THSD4: variants seen among roughly 807,000 people sequenced by gnomAD.
The protein encoded by THSD4 is thrombospondin type-1 domain-containing protein 4.
THSD4 carries 69 observed loss-of-function variants against 119.0 expected under a neutral mutation model. That is an observed-to-expected ratio of 0.58 (90% CI 0.48 to 0.71). The LOEUF (loss-of-function observed/expected upper bound fraction) is 0.71. Ranked by LOEUF, THSD4 falls within the 30% of genes least tolerant of loss-of-function variation. THSD4 has a pLI of 0.00. For missense variants in THSD4, 1,393 were observed against 1,391.1 expected, an observed-to-expected ratio of 1.00 and a Z score of -0.02; for synonymous variants, 524 against 540.4, an observed-to-expected ratio of 0.97 and a Z score of 0.42.
At chr15:71,474,873 T>C (rs1480827813) in intron 7 of THSD4, among the ~76,000 whole-genome samples, 2 of 152,170 alleles carry the variant, frequency 1.3e-5, no homozygotes, top group Admixed American at 6.5e-5. Flanking sequence ...GGGCCTGGAG[T>C]ATCCCCTCCA....
intron 6 of THSD4, among the ~76,000 whole-genome samples, chr15:71,378,040 A>G (rs976200240): frequency 6.6e-6 from 1 of 152,214 alleles, no homozygotes; most frequent in Non-Finnish European, 1.5e-5. Context: ...GGAAGAAATT[A>G]TCTGCCTTGT....
chr15:71,253,446 C>T (rs1178937685), intron 5 of THSD4, among the ~76,000 whole-genome samples: 3 of 151,610 alleles, frequency 2.0e-5, no homozygotes, highest in South Asian at 2.1e-4. Context: ...CTTCCTTTGT[C>T]GCCCAGGCTA....
intron 6 of THSD4, among the ~76,000 whole-genome samples, chr15:71,263,339 A>ATATATG (rs1252719045): frequency 2.0e-5 from 3 of 149,910 alleles, no homozygotes; most frequent in Non-Finnish European, 4.4e-5. Flanking sequence ...TGGTATATAT[A>ATATATG]TATATATACG....
At chr15:71,143,901 G>A (rs993711243) in intron 2 of THSD4, among the ~76,000 whole-genome samples, 7 of 151,968 alleles carry the variant, frequency 4.6e-5, no homozygotes, top group African/African-American at 1.7e-4. Context: ...GATCTGAGCA[G>A]GGTGTGTGGT....
rs192149234 is a variant in THSD4, at chr15:71,182,915, A to T, written c.99+27983A>T. Among the ~76,000 whole-genome samples the T allele has an allele frequency of 1.2e-3, 185 of 151,772 alleles. 1 individual carries two copies. Among genetic ancestry groups the T allele is most frequent in the African/African-American group, 4.4e-3 (184 of 41,494 alleles). On this transcript the variant is annotated intron_variant, in intron 3 of 17. Coordinates refer to ENST00000261862, the MANE Select transcript of THSD4 (RefSeq NM_024817.3). ...TTGTTCCTAATTGTATTCTCTTTGT[A>T]TTTTTTTATACATTTGATGCATGCT...
chr15:71,298,356 A>G (rs1224063906), intron 6 of THSD4, among the ~76,000 whole-genome samples: 1 of 152,148 alleles, frequency 6.6e-6, no homozygotes, highest in African/African-American at 2.4e-5. Flanking sequence ...AGCACATTTT[A>G]TATCAGGAAA....
intron 7 of THSD4, among the ~76,000 whole-genome samples, chr15:71,422,010 T>C (rs2046815490): frequency 6.6e-6 from 1 of 152,260 alleles, no homozygotes; most frequent in East Asian, 1.9e-4. Context: ...GAAATTCTGC[T>C]TGATTCTTTG....
chr15:71,747,925 A>G (rs2053370267), intron 13 of THSD4, among the ~76,000 whole-genome samples: 1 of 152,236 alleles, frequency 6.6e-6, no homozygotes, highest in Non-Finnish European at 1.5e-5. Flanking sequence ...TTATTCTTCA[A>G]GGGCAGAGGT....
At chr15:71,434,679 T>C (rs1161157659) in intron 7 of THSD4, among the ~76,000 whole-genome samples, 1 of 152,050 alleles carries the variant, frequency 6.6e-6, no homozygotes, top group Non-Finnish European at 1.5e-5. Context: ...AAAGTTCTTA[T>C]GGGAGAACAA....
In THSD4 at chr15:71,491,858, G is replaced by A. The variant is rs571738427; in HGVS notation, c.1152+80035G>A. 1.5e-3 allele frequency among the ~76,000 whole-genome samples: 225 copies of A among 152,080 alleles called. 1 individual carries two copies. The highest frequency in any genetic ancestry group is 3.4e-3 in the Admixed American group (52 of 15,284). ...CATTCCAGCCTGGTTGACAGAGTGA[G>A]GCCCCGTCTCAAAAAAGAAAAAAAA... is the stretch of plus-strand genomic sequence containing the variant. On this transcript the variant is annotated intron_variant, in intron 7 of 17. Transcript: ENST00000261862.
At chr15:71,124,330 C>G (rs550073316) in intron 1 of THSD4, among the ~76,000 whole-genome samples, 60 of 152,292 alleles carry the variant, frequency 3.9e-4, no homozygotes, top group African/African-American at 1.4e-3. Flanking sequence ...TTTTTATATG[C>G]CATAAAATGT....
chr15:71,099,986 C>CA (rs2040247600), intron 1 of THSD4, among the ~76,000 whole-genome samples: 3 of 152,116 alleles, frequency 2.0e-5, no homozygotes, highest in Admixed American at 2.0e-4. Context: ...GATACTGTCT[C>CA]AAAAAATTAA....
At chr15:71,320,367 A>G (rs1240411799) in intron 6 of THSD4, among the ~76,000 whole-genome samples, 2 of 152,246 alleles carry the variant, frequency 1.3e-5, no homozygotes, top group East Asian at 3.8e-4. Context: ...TCTTCTGAAC[A>G]TCTCCATATT....
intron 6 of THSD4, among the ~76,000 whole-genome samples, chr15:71,328,353 A>G (rs2045374089): frequency 6.6e-6 from 1 of 152,216 alleles, no homozygotes; most frequent in Non-Finnish European, 1.5e-5. Flanking sequence ...TGAAGAATGG[A>G]AAAGCACAAT....
chr15:71,583,576 C>G (rs1027678113), intron 7 of THSD4, among the ~76,000 whole-genome samples: 5 of 68,946 alleles, frequency 7.3e-5, no homozygotes, highest in African/African-American at 1.2e-4. Context: ...TTTGCTGCGT[C>G]TCTTATAAGT....
chr15:71,392,449 A>G (rs765401919), intron 6 of THSD4, among the ~76,000 whole-genome samples: 1 of 152,250 alleles, frequency 6.6e-6, no homozygotes, highest in Non-Finnish European at 1.5e-5. Context: ...ACACAAGCTT[A>G]TTAAGTAGAA....
At chr15:71,348,485 A>C (rs1437143102) in intron 6 of THSD4, 1 of 152,186 alleles carries the variant, frequency 6.6e-6, no homozygotes, top group Non-Finnish European at 1.5e-5. Flanking sequence ...TGACCTGTAC[A>C]TCCAGGTGAG....
At chr15:71,748,730 A>C in intron 14 of THSD4, 136 bp downstream of exon 14, 1 of 1,143,540 alleles carries the variant, frequency 8.7e-7, no homozygotes, top group Non-Finnish European at 1.2e-6. Flanking sequence ...CCCAGAGAGG[A>C]ATTATCGTAG....
chr15:71,561,265 C>A (rs1055118296), intron 7 of THSD4, among the ~76,000 whole-genome samples: 1 of 152,124 alleles, frequency 6.6e-6, no homozygotes, highest in African/African-American at 2.4e-5. Context: ...TGAGCCACCG[C>A]ACTCGGCTCT....
Sources: gnomAD v4.1 joint callset for allele counts (sites outside exome capture counted in the v4.1 genomes callset) on GRCh38, gnomAD v4.1.1 for gene constraint, MANE v1.5 for transcripts, NCBI Gene and HGNC (gene_info 2026-07-23, HGNC 2026-07-21) for gene names.